RANBP2: variants seen among roughly 807,000 people sequenced by gnomAD.
The protein encoded by RANBP2 is E3 SUMO-protein ligase RanBP2.
In RANBP2, 57 loss-of-function variants were observed where a neutral mutation model predicts 303.6. That is an observed-to-expected ratio of 0.19 (90% CI 0.15 to 0.23). RANBP2 has a LOEUF of 0.23. Among genes scored for constraint, RANBP2 ranks in the 10% least tolerant of loss-of-function variants. The pLI is 1.00. For synonymous variants in RANBP2, 1,167 were observed against 1,301.5 expected (o/e 0.90, Z 2.23); for missense variants, 3,138 against 3,780.8 (o/e 0.83, Z 4.46).
the RANBP2 span, among the ~76,000 whole-genome samples, chr2:109,629,483 C>T: frequency 3.3e-5 from 5 of 150,746 alleles, no homozygotes; most frequent in Non-Finnish European, 7.4e-5. Flanking sequence ...TAAATCTCAA[C>T]ACCATGCTGT....
chr2:109,419,701 G>C, the RANBP2 span: 1 of 1,498,998 alleles, frequency 6.7e-7, no homozygotes, highest in Non-Finnish European at 9.0e-7. Flanking sequence ...TCCTGCCTGG[G>C]CTGACCTGTC....
At chr2:109,553,609 T>C in the RANBP2 span, among the ~76,000 whole-genome samples, 1 of 149,474 alleles carries the variant, frequency 6.7e-6, no homozygotes, top group Admixed American at 6.7e-5. Flanking sequence ...TCCCAGCACT[T>C]TGGGAGGCTG....
the RANBP2 span, among the ~76,000 whole-genome samples, chr2:109,236,375 G>A: frequency 3.3e-5 from 5 of 152,152 alleles, no homozygotes; most frequent in African/African-American, 1.2e-4. Context: ...AAGCACTCTG[G>A]AAGAGCTCCC....
the RANBP2 span, among the ~76,000 whole-genome samples, chr2:109,293,576 C>T: frequency 6.6e-6 from 1 of 152,338 alleles, no homozygotes; most frequent in East Asian, 1.9e-4. Context: ...GGGTGTGAAG[C>T]CCATGCCAAC....
the RANBP2 span, among the ~76,000 whole-genome samples, chr2:108,871,566 G>T: frequency 6.6e-6 from 1 of 151,456 alleles, no homozygotes; most frequent in Non-Finnish European, 1.5e-5. Context: ...AAAAATAAAA[G>T]TTCCTTCTGT....
the RANBP2 span, among the ~76,000 whole-genome samples, chr2:109,709,381 A>AT: frequency 2.8e-4 from 43 of 151,960 alleles, no homozygotes; most frequent in Non-Finnish European, 4.3e-4. Context: ...AAAAATAACA[A>AT]AACAAAACAA....
In RANBP2 at chr2:108,755,168, T is replaced by C. The variant is rs1224165099; in HGVS notation, c.2383-8T>C. Reference sequence around the variant, plus strand: ...AAATGCTGTTTTGTTATTTTTATTTTTTTTTAGTATTCTCCCAAAACACCA... The same window carrying C: ...AAATGCTGTTTTGTTATTTTTATTTCTTTTTAGTATTCTCCCAAAACACCA... On this transcript the variant is annotated splice_region_variant and splice_polypyrimidine_tract_variant and intron_variant, in intron 16 of 28. Transcript: ENST00000283195. 1.2e-6 allele frequency: 2 copies of C among 1,611,946 alleles called. No individual in the cohort carries two copies. Among genetic ancestry groups the C allele is most frequent in the South Asian group, 1.1e-5 (1 of 90,946 alleles).
chr2:109,470,675 C>T, the RANBP2 span, among the ~76,000 whole-genome samples: 4 of 152,138 alleles, frequency 2.6e-5, no homozygotes, highest in East Asian at 3.9e-4. Flanking sequence ...CTGCTGTGGC[C>T]GGGGCTGGTG....
chr2:109,384,154 CG>C, the RANBP2 span, among the ~76,000 whole-genome samples: 1 of 152,218 alleles, frequency 6.6e-6, no homozygotes, highest in Admixed American at 6.5e-5. Flanking sequence ...CCTTCCAGGC[CG>C]CCTGGGGTCC....
the RANBP2 span, among the ~76,000 whole-genome samples, chr2:109,692,843 AG>A: frequency 1.4e-5 from 2 of 147,900 alleles, no homozygotes; most frequent in Non-Finnish European, 3.0e-5. Context: ...TTTGAGATGA[AG>A]TCTTGCTCTT....
chr2:109,472,841 G>C, the RANBP2 span, among the ~76,000 whole-genome samples: 5 of 152,164 alleles, frequency 3.3e-5, no homozygotes, highest in Non-Finnish European at 7.3e-5. Context: ...TATCCTAATG[G>C]ACAGGGTCGT....
the RANBP2 span, among the ~76,000 whole-genome samples, chr2:109,111,177 A>T: frequency 6.6e-6 from 1 of 152,308 alleles, no homozygotes; most frequent in Non-Finnish European, 1.5e-5. Context: ...AGCATTCTTT[A>T]TCATGAATCA....
the RANBP2 span, among the ~76,000 whole-genome samples, chr2:109,244,482 C>G: frequency 6.6e-6 from 1 of 152,142 alleles, no homozygotes; most frequent in Non-Finnish European, 1.5e-5. Flanking sequence ...GGAACTACCC[C>G]CAAACAAATG....
the RANBP2 span, among the ~76,000 whole-genome samples, chr2:109,419,380 C>T: frequency 6.6e-6 from 1 of 152,228 alleles, no homozygotes; most frequent in Non-Finnish European, 1.5e-5. Context: ...GCCAGGCTCC[C>T]TCCCATGACA....
the RANBP2 span, among the ~76,000 whole-genome samples, chr2:109,252,737 T>A: frequency 6.6e-6 from 1 of 152,236 alleles, no homozygotes; most frequent in South Asian, 2.1e-4. Flanking sequence ...GCTAATGTAA[T>A]CAGCCTACAG....
the RANBP2 span, among the ~76,000 whole-genome samples, chr2:109,199,497 T>TTCAACC: frequency 0.048 from 12 of 248 alleles, no homozygotes; most frequent in East Asian, 0.25. Context: ...ATGGAATGGA[T>TTCAACC]GGAATGGAAT....
chr2:108,726,464 A>G (rs1296180990), intron 1 of RANBP2, among the ~76,000 whole-genome samples: 1 of 150,676 alleles, frequency 6.6e-6, no homozygotes, highest in Middle Eastern at 3.4e-3. Context: ...GGCTTAAACA[A>G]CAGAAATTTA....
At chr2:108,933,645 A>G in the RANBP2 span, among the ~76,000 whole-genome samples, 3 of 152,226 alleles carry the variant, frequency 2.0e-5, no homozygotes, top group Non-Finnish European at 4.4e-5. Context: ...TTAGTGTTGC[A>G]TTTACCGTTT....
At chr2:109,348,079 C>T in the RANBP2 span, 3 of 1,285,478 alleles carry the variant, frequency 2.3e-6, no homozygotes, top group African/African-American at 1.5e-5. Flanking sequence ...TCCCGGAACC[C>T]TGGGCAAATG....
Sources: gnomAD v4.1 joint callset for allele counts (sites outside exome capture counted in the v4.1 genomes callset) on GRCh38, gnomAD v4.1.1 for gene constraint, MANE v1.5 for transcripts, NCBI Gene and HGNC (gene_info 2026-07-23, HGNC 2026-07-21) for gene names.